SH3KBP1: variants seen among roughly 807,000 people sequenced by gnomAD.
SH3KBP1 encodes the protein SH3 domain containing kinase binding protein 1, also known as SH3 domain-containing kinase-binding protein 1.
In SH3KBP1, 8 loss-of-function variants were observed where a neutral mutation model predicts 50.1. The observed-to-expected ratio is 0.16, with a 90% confidence interval of 0.09 to 0.29. The LOEUF is 0.29. SH3KBP1 is among the 10% of genes least tolerant of loss of function. SH3KBP1 has a pLI of 1.00. For synonymous variants in SH3KBP1, 227 were observed against 218.6 expected (o/e 1.04, Z -0.34); for missense variants, 377 against 535.2 (o/e 0.70, Z 2.92).
intron 4 of SH3KBP1, among the ~76,000 whole-genome samples, chrX:19,701,958 C>T (rs1427756268): frequency 1.8e-5 from 2 of 112,123 alleles, no homozygotes; most frequent in African/African-American, 3.2e-5. Flanking sequence ...CAAATCTAAT[C>T]AACTTTCTCT....
chrX:19,613,047 C>T (rs983479056), intron 8 of SH3KBP1, among the ~76,000 whole-genome samples: 1 of 112,193 alleles, frequency 8.9e-6, no homozygotes, highest in Non-Finnish European at 1.9e-5. Context: ...CAAGACAGCA[C>T]CCACTGAGTG....
intron 3 of SH3KBP1, among the ~76,000 whole-genome samples, chrX:19,714,505 T>A: frequency 9.8e-6 from 1 of 101,667 alleles, no homozygotes; most frequent in Non-Finnish European, 2.0e-5. Context: ...AAATAAAATT[T>A]ATTTAAAAAA....
intron 6 of SH3KBP1, among the ~76,000 whole-genome samples, chrX:19,662,705 T>G (rs2062493024): frequency 8.9e-6 from 1 of 111,750 alleles, no homozygotes. Flanking sequence ...CAGTATATCA[T>G]AATTTTAAAA....
At chrX:19,591,066 CA>C (rs1245015439) in intron 11 of SH3KBP1, among the ~76,000 whole-genome samples, 2 of 109,200 alleles carry the variant, frequency 1.8e-5, no homozygotes, top group Non-Finnish European at 1.9e-5. Context: ...TGAGGTTCCA[CA>C]AGTCAAGTTC....
intron 4 of SH3KBP1, among the ~76,000 whole-genome samples, chrX:19,702,997 G>C (rs1218827914): frequency 8.9e-6 from 1 of 112,066 alleles, no homozygotes; most frequent in African/African-American, 3.2e-5. Flanking sequence ...CTCCAGCCAG[G>C]AGCCAGAAGC....
At chrX:19,674,751 T>C (rs927530728) in intron 6 of SH3KBP1, among the ~76,000 whole-genome samples, 9 of 111,868 alleles carry the variant, frequency 8.0e-5, no homozygotes, top group Non-Finnish European at 1.5e-4. Flanking sequence ...CAAAATTCAA[T>C]TGTACTTCTT....
At chrX:19,711,294 C>T (rs1407527892) in intron 3 of SH3KBP1, among the ~76,000 whole-genome samples, 2 of 111,540 alleles carry the variant, frequency 1.8e-5, no homozygotes, top group African/African-American at 6.5e-5. Context: ...TTGGGCCCTA[C>T]AGGCCCCAGA....
chrX:19,666,823 T>C (rs1344520504), intron 6 of SH3KBP1, among the ~76,000 whole-genome samples: 1 of 111,825 alleles, frequency 8.9e-6, no homozygotes, highest in Non-Finnish European at 1.9e-5. Context: ...AGTTGCCCTA[T>C]GATCCAGCAA....
chrX:19,792,574 T>C (rs1383975658), intron 2 of SH3KBP1, among the ~76,000 whole-genome samples: 1 of 110,911 alleles, frequency 9.0e-6, no homozygotes, highest in African/African-American at 3.3e-5. Context: ...TGCAGGTCTT[T>C]CAACAGTTTT....
chrX:19,705,418 A>G (rs1603060417), intron 4 of SH3KBP1, among the ~76,000 whole-genome samples: 1 of 111,986 alleles, frequency 8.9e-6, no homozygotes, highest in East Asian at 2.8e-4. Context: ...ATTTCTTTCC[A>G]TGGTTACAGC....
At chrX:19,652,990 T>A in intron 6 of SH3KBP1, among the ~76,000 whole-genome samples, 1 of 111,924 alleles carries the variant, frequency 8.9e-6, no homozygotes, top group Admixed American at 9.4e-5. Context: ...GTTGTTGGTT[T>A]TTTTTTGTTT....
chrX:19,570,234 G>A (rs991972454), intron 12 of SH3KBP1, among the ~76,000 whole-genome samples: 1 of 112,068 alleles, frequency 8.9e-6, no homozygotes, highest in African/African-American at 3.2e-5. Flanking sequence ...GCTATAAGAC[G>A]CAGGTGTCAC....
At chrX:19,718,984 CCAT>C (rs1016116660) in intron 3 of SH3KBP1, among the ~76,000 whole-genome samples, 1 of 111,738 alleles carries the variant, frequency 8.9e-6, no homozygotes, top group Non-Finnish European at 1.9e-5. Flanking sequence ...CCTGTGGTGT[CCAT>C]CTTCCGAGCT....
rs2064663970 is a variant in SH3KBP1, at chrX:19,534,579, C to G, written c.*1838G>C. ...AAGTTTAACGCAGAAATGCTTATAACTGTCAAGGGGTACAGGGATGTTTTA... is the reference window on the plus strand; with the variant it reads ...AAGTTTAACGCAGAAATGCTTATAAGTGTCAAGGGGTACAGGGATGTTTTA... On this transcript the variant is annotated 3_prime_UTR_variant, in exon 18 of 18. Coordinates refer to ENST00000397821, the MANE Select transcript of SH3KBP1 (RefSeq NM_031892.3). 4.0e-6 allele frequency: 1 copy of G among 246,940 alleles called. No individual in the cohort carries two copies. The highest frequency in any genetic ancestry group is 2.8e-5 in the African/African-American group (1 of 35,408). The allele number at this position is 246,940 out of a possible 1,213,427, so 20.4% of individuals were successfully genotyped here.
chrX:19,850,985 G>A (rs2068492816), intron 1 of SH3KBP1, among the ~76,000 whole-genome samples: 2 of 111,147 alleles, frequency 1.8e-5, no homozygotes, highest in Non-Finnish European at 3.8e-5. Flanking sequence ...AGAATCCCCT[G>A]TGAAACTTTC....
At chrX:19,540,930 T>G (rs2064869166) in intron 16 of SH3KBP1, among the ~76,000 whole-genome samples, 1 of 110,967 alleles carries the variant, frequency 9.0e-6, no homozygotes, top group Non-Finnish European at 1.9e-5. Flanking sequence ...CTTTTTTTTT[T>G]TTTAGACGGA....
chrX:19,867,078 A>G (rs1328054523), intron 1 of SH3KBP1, among the ~76,000 whole-genome samples: 2 of 111,595 alleles, frequency 1.8e-5, no homozygotes, highest in Non-Finnish European at 3.8e-5. Context: ...CTTTCAACAA[A>G]ATTTTTCTTT....
intron 5 of SH3KBP1, among the ~76,000 whole-genome samples, chrX:19,688,359 C>T (rs770570815): frequency 9.0e-6 from 1 of 111,681 alleles, no homozygotes; most frequent in Non-Finnish European, 1.9e-5. Context: ...CCAAGGACAC[C>T]AGAAAACCCT....
chrX:19,865,750 C>T (rs773964358), intron 1 of SH3KBP1, among the ~76,000 whole-genome samples: 30 of 112,026 alleles, frequency 2.7e-4, no homozygotes, highest in Non-Finnish European at 5.3e-4. Context: ...GAAGTGCCTG[C>T]GATGAATGGG....
Sources: allele counts gnomAD v4.1 joint callset (sites outside exome capture counted in the v4.1 genomes callset), GRCh38; gene constraint gnomAD v4.1.1; transcripts MANE v1.5; gene names NCBI Gene and HGNC (gene_info 2026-07-23, HGNC 2026-07-21).